The following WDFY2 variants were observed in gnomAD, a reference collection of about 807,000 sequenced individuals.
The protein encoded by WDFY2 is WD repeat and FYVE domain containing 2.
In WDFY2, 36 loss-of-function variants were observed where a neutral mutation model predicts 56.4. The ratio of observed to expected loss-of-function variants is 0.64; its 90% confidence interval spans 0.49 to 0.84. The LOEUF is 0.84. WDFY2 is among the 40% of genes least tolerant of loss of function. The pLI is 0.00. For synonymous variants in WDFY2, 176 were observed against 183.7 expected, an observed-to-expected ratio of 0.96 and a Z score of 0.34; for missense variants, 444 against 512.2, an observed-to-expected ratio of 0.87 and a Z score of 1.29.
intron 8 of WDFY2, among the ~76,000 whole-genome samples, chr13:51,753,276 G>A (rs760160545): frequency 6.6e-6 from 1 of 152,232 alleles, no homozygotes; most frequent in Non-Finnish European, 1.5e-5. Flanking sequence ...TAGAGAAGCA[G>A]TCAGAGATGA....
At chr13:51,709,619 C>A (rs955259755) in intron 4 of WDFY2, among the ~76,000 whole-genome samples, 1 of 152,130 alleles carries the variant, frequency 6.6e-6, no homozygotes, top group Non-Finnish European at 1.5e-5. Flanking sequence ...ACCGATCCCA[C>A]AGAAATACAA....
chr13:51,709,417 T>C (rs553343920), intron 4 of WDFY2, among the ~76,000 whole-genome samples: 1 of 152,128 alleles, frequency 6.6e-6, no homozygotes, highest in South Asian at 2.1e-4. Context: ...CTTCCGGAGG[T>C]GGGAGGATCA....
chr13:51,676,374 T>C (rs1459280857), intron 3 of WDFY2, among the ~76,000 whole-genome samples: 2 of 152,092 alleles, frequency 1.3e-5, no homozygotes, highest in Admixed American at 6.6e-5. Context: ...GTCACCACAA[T>C]ATGGCGTGGA....
chr13:51,651,190 GT>G (rs2138427726), intron 1 of WDFY2, among the ~76,000 whole-genome samples: 1 of 152,294 alleles, frequency 6.6e-6, no homozygotes, highest in Non-Finnish European at 1.5e-5. Context: ...AGATTTTCTA[GT>G]ATATTTGCAT....
intron 1 of WDFY2, among the ~76,000 whole-genome samples, chr13:51,631,580 C>T (rs543208597): frequency 1.0e-3 from 153 of 152,058 alleles, no homozygotes; most frequent in Non-Finnish European, 1.8e-3. Flanking sequence ...TTCTCCTTAC[C>T]GTCTAAATTT....
chr13:51,649,311 A>G (rs1955321758), intron 1 of WDFY2, among the ~76,000 whole-genome samples: 1 of 152,064 alleles, frequency 6.6e-6, no homozygotes, highest in Non-Finnish European at 1.5e-5. Context: ...AGAGAAGAAA[A>G]CAGCACGTGC....
intron 1 of WDFY2, chr13:51,592,334 G>T (rs1954062769): frequency 6.6e-6 from 1 of 152,072 alleles, no homozygotes; most frequent in Non-Finnish European, 1.5e-5. Flanking sequence ...CAGCACTTTG[G>T]GGGGTTGAGG....
chr13:51,756,192 C>T, intron 9 of WDFY2, 140 bp from the exon 10 acceptor site: 1 of 1,242,724 alleles, frequency 8.0e-7, no homozygotes, highest in South Asian at 1.5e-5. Flanking sequence ...CAATGTGTTC[C>T]CTTTAGTTCT....
Position 51,765,054 on chromosome 13 carries a change from C to G in WDFY2, c.*5285C>G, listed in dbSNP as rs1953706270. On this transcript the variant is annotated 3_prime_UTR_variant, in exon 12 of 12. Transcript: ENST00000298125. ...AGTACAATGTGGGAGGTCCTCCTTA[C>G]AGGGGCACTTGCAACAGGAAGGCAG... 2 of 152,186 alleles carry G rather than the reference C, an allele frequency of 1.3e-5. No individual in the cohort carries two copies. The highest frequency in any genetic ancestry group is 4.8e-5 in the African/African-American group (2 of 41,404). The allele number at this position is 152,186 out of a possible 1,614,324, so 9.4% of individuals were successfully genotyped here.
intron 1 of WDFY2, chr13:51,594,208 C>T (rs1381952631): frequency 1.3e-5 from 2 of 152,184 alleles, no homozygotes; most frequent in Admixed American, 6.5e-5. Flanking sequence ...TGTGTGCCAC[C>T]ACACACCTTT....
In WDFY2 at chr13:51,763,493, T is replaced by TGAGA. The variant is rs1193873250; in HGVS notation, c.*3725_*3728dup. 1 of 152,246 alleles carries TGAGA rather than the reference T, an allele frequency of 6.6e-6. No individual in the cohort carries two copies. The highest frequency in any genetic ancestry group is 1.5e-5 in the Non-Finnish European group (1 of 68,054). The allele number at this position is 152,246 out of a possible 1,614,324, so 9.4% of individuals were successfully genotyped here. On this transcript the variant is annotated 3_prime_UTR_variant, in exon 12 of 12. Transcript: ENST00000298125. ...TATGGAATATCACATTTTCATTTTC[T>TGAGA]GAGATTCATTTTATAAAAGTAAAGG...
intron 1 of WDFY2, among the ~76,000 whole-genome samples, chr13:51,626,551 A>G (rs560738412): frequency 6.0e-4 from 92 of 152,194 alleles, no homozygotes; most frequent in Non-Finnish European, 1.2e-3. Flanking sequence ...ACAGGTATTT[A>G]TAGTTTGTTC....
intron 1 of WDFY2, among the ~76,000 whole-genome samples, chr13:51,621,443 T>C (rs1954723783): frequency 6.6e-6 from 1 of 152,188 alleles, no homozygotes; most frequent in Non-Finnish European, 1.5e-5. Context: ...AGGCGGAGTT[T>C]GCAGTGAGCC....
At chr13:51,719,765 A>G (rs1367314194) in intron 5 of WDFY2, among the ~76,000 whole-genome samples, 1 of 152,224 alleles carries the variant, frequency 6.6e-6, no homozygotes, top group African/African-American at 2.4e-5. Flanking sequence ...GAGAAGAACC[A>G]TAGGAATCCT....
chr13:51,658,414 A>G (rs1298261555), intron 1 of WDFY2, among the ~76,000 whole-genome samples: 1 of 152,206 alleles, frequency 6.6e-6, no homozygotes, highest in African/African-American at 2.4e-5. Flanking sequence ...AGACAAATCA[A>G]ACACACCCCC....
chr13:51,697,153 A>G (rs1406482981), intron 3 of WDFY2, among the ~76,000 whole-genome samples: 1 of 152,228 alleles, frequency 6.6e-6, no homozygotes, highest in East Asian at 1.9e-4. Context: ...ACTAATGGAA[A>G]GGACATAAAT....
intron 5 of WDFY2, among the ~76,000 whole-genome samples, chr13:51,724,775 T>C (rs1391294146): frequency 6.6e-6 from 1 of 152,196 alleles, no homozygotes; most frequent in Non-Finnish European, 1.5e-5. Flanking sequence ...ATTCTATGGA[T>C]TTGGACAAGT....
At chr13:51,667,022 A>C (rs771786225) in intron 2 of WDFY2, among the ~76,000 whole-genome samples, 20 of 152,186 alleles carry the variant, frequency 1.3e-4, no homozygotes, top group Non-Finnish European at 2.1e-4. Context: ...TTGCTGAATC[A>C]CTTTGGGCAA....
intron 1 of WDFY2, among the ~76,000 whole-genome samples, chr13:51,657,459 G>A (rs1955530472): frequency 1.3e-5 from 2 of 152,088 alleles, no homozygotes; most frequent in Admixed American, 1.3e-4. Flanking sequence ...TTATAAGGAA[G>A]ATCTACTAGT....
Sources: allele counts gnomAD v4.1 joint callset (sites outside exome capture counted in the v4.1 genomes callset), GRCh38; gene constraint gnomAD v4.1.1; transcripts MANE v1.5; gene names NCBI Gene and HGNC (gene_info 2026-07-23, HGNC 2026-07-21).